MAN1A2: variants seen among roughly 807,000 people sequenced by gnomAD.
The protein encoded by MAN1A2 is mannosyl-oligosaccharide 1,2-alpha-mannosidase IB.
In MAN1A2, 26 loss-of-function variants were observed where a neutral mutation model predicts 75.7. The observed-to-expected ratio is 0.34, with a 90% CI of 0.25 to 0.48. The LOEUF (loss-of-function observed/expected upper bound fraction) is 0.48, where lower values mean the gene tolerates loss of function less well. Among genes scored for constraint, MAN1A2 ranks in the 20% least tolerant of loss-of-function variants. The probability of loss-of-function intolerance (pLI) is 0.99; values close to 1 mark genes in which losing one functional copy is unlikely to be tolerated. For missense variants in MAN1A2, 562 were observed against 775.5 expected, an observed-to-expected ratio of 0.72 and a Z score of 3.27; for synonymous variants, 247 against 264.6, an observed-to-expected ratio of 0.93 and a Z score of 0.65.
intron 1 of MAN1A2, among the ~76,000 whole-genome samples, chr1:117,392,559 C>T (rs921922034): frequency 2.6e-5 from 4 of 152,130 alleles, no homozygotes; most frequent in Non-Finnish European, 5.9e-5. Flanking sequence ...GTGGGCAAAT[C>T]ATGTGCCTTA....
At chr1:117,420,671 A>G (rs773159893) in intron 5 of MAN1A2, 22 bp downstream of exon 5, 4 of 1,554,520 alleles carry the variant, frequency 2.6e-6, no homozygotes, top group East Asian at 2.2e-5. Context: ...CAAGCAATGC[A>G]TTGTTTGTTT....
chr1:117,467,361 A>AT (rs1185710769), intron 8 of MAN1A2, among the ~76,000 whole-genome samples: 4 of 152,156 alleles, frequency 2.6e-5, no homozygotes, highest in Non-Finnish European at 4.4e-5. Flanking sequence ...GCCAGTAAGA[A>AT]AATAAGCTGG....
chr1:117,467,362 A>G (rs1650012911), intron 8 of MAN1A2, among the ~76,000 whole-genome samples: 1 of 152,160 alleles, frequency 6.6e-6, no homozygotes, highest in Non-Finnish European at 1.5e-5. Flanking sequence ...CCAGTAAGAA[A>G]ATAAGCTGGT....
intron 3 of MAN1A2, among the ~76,000 whole-genome samples, chr1:117,412,589 A>G (rs946500423): frequency 2.6e-5 from 4 of 151,650 alleles, no homozygotes; most frequent in African/African-American, 7.3e-5. Flanking sequence ...ACTAGTATAA[A>G]TATTTTAAGT....
intron 8 of MAN1A2, among the ~76,000 whole-genome samples, chr1:117,479,307 T>C (rs1650418734): frequency 6.6e-6 from 1 of 151,996 alleles, no homozygotes; most frequent in Non-Finnish European, 1.5e-5. Context: ...TAGTATTCCA[T>C]GATGTGTATG....
rs563629726 is a variant in MAN1A2, at chr1:117,382,524, C to G, written c.302+14039C>G. Among the ~76,000 whole-genome samples the G allele has an allele frequency of 7.3e-3, 1,116 of 152,242 alleles. 18 individuals are homozygous for G. Among genetic ancestry groups the G allele is most frequent in the African/African-American group, 0.026 (1,068 of 41,536 alleles). Reference sequence around the variant, plus strand: ...CGGCATTATTTCTGAGGGCTCTGTTCTGTTCCATTGATCTATATCTCTGTT... The same window carrying G: ...CGGCATTATTTCTGAGGGCTCTGTTGTGTTCCATTGATCTATATCTCTGTT... On this transcript the variant is annotated intron_variant, in intron 1 of 12. Transcript: ENST00000356554.
At chr1:117,515,792 G>A (rs909931463) in intron 12 of MAN1A2, 2 of 152,238 alleles carry the variant, frequency 1.3e-5, no homozygotes, top group South Asian at 2.1e-4. Context: ...AAACAAAGTA[G>A]AATGTTGGTT....
chr1:117,380,993 C>T (rs1653315952), intron 1 of MAN1A2, among the ~76,000 whole-genome samples: 1 of 152,048 alleles, frequency 6.6e-6, no homozygotes, highest in Admixed American at 6.6e-5. Context: ...CAACCATGAC[C>T]ACAGGATATC....
chr1:117,520,313 C>A (rs1036960029), intron 12 of MAN1A2, among the ~76,000 whole-genome samples: 62 of 151,956 alleles, frequency 4.1e-4, no homozygotes, highest in Non-Finnish European at 1.8e-4. Context: ...CACTGGAAGT[C>A]CTAGCCAGAG....
chr1:117,512,785 G>A (rs903405451), intron 12 of MAN1A2, among the ~76,000 whole-genome samples: 85 of 61,274 alleles, frequency 1.4e-3, no homozygotes, highest in South Asian at 2.7e-3. Context: ...ACACACACAC[G>A]TAGGAACACA....
At chr1:117,429,705 G>A (rs1304650790) in intron 5 of MAN1A2, among the ~76,000 whole-genome samples, 1 of 113,858 alleles carries the variant, frequency 8.8e-6, no homozygotes, top group African/African-American at 3.4e-5. Flanking sequence ...GCCGGGCAGG[G>A]GGGCTGACCC....
At chr1:117,395,292 A>T (rs963697803) in intron 1 of MAN1A2, among the ~76,000 whole-genome samples, 1 of 152,210 alleles carries the variant, frequency 6.6e-6, no homozygotes, top group Non-Finnish European at 1.5e-5. Flanking sequence ...CAGTATTTGC[A>T]TAGTGTTTAA....
At chr1:117,467,180 A>G (rs1451100532) in intron 8 of MAN1A2, among the ~76,000 whole-genome samples, 1 of 152,174 alleles carries the variant, frequency 6.6e-6, no homozygotes, top group Non-Finnish European at 1.5e-5. Context: ...AGGTTTATCA[A>G]TGCTATTCTC....
chr1:117,465,977 T>C (rs1450280316), intron 7 of MAN1A2, among the ~76,000 whole-genome samples: 4 of 152,196 alleles, frequency 2.6e-5, no homozygotes, highest in African/African-American at 9.6e-5. Flanking sequence ...TCTGTTCTTA[T>C]ATTTGAATAT....
chr1:117,497,570 A>C (rs1278879217), intron 10 of MAN1A2, among the ~76,000 whole-genome samples: 1 of 151,914 alleles, frequency 6.6e-6, no homozygotes, highest in South Asian at 2.1e-4. Flanking sequence ...ATGGTGACAA[A>C]AATTGTTTTG....
At chr1:117,372,975 A>G (rs774004930) in intron 1 of MAN1A2, among the ~76,000 whole-genome samples, 3 of 152,222 alleles carry the variant, frequency 2.0e-5, no homozygotes, top group Non-Finnish European at 4.4e-5. Flanking sequence ...ATAAGGCTGC[A>G]TCTTAGTTCT....
At chr1:117,406,414 A>G (rs1384397871) in intron 3 of MAN1A2, among the ~76,000 whole-genome samples, 1 of 152,162 alleles carries the variant, frequency 6.6e-6, no homozygotes, top group Non-Finnish European at 1.5e-5. Context: ...AACTAGTTAT[A>G]TGCAATCTGA....
intron 1 of MAN1A2, among the ~76,000 whole-genome samples, chr1:117,394,986 G>A (rs182565492): frequency 2.0e-5 from 3 of 152,242 alleles, no homozygotes; most frequent in Non-Finnish European, 4.4e-5. Context: ...AAATTCCAGC[G>A]TAATTTTATG....
Position 117,441,198 on chromosome 1 carries a change from C to T in MAN1A2, c.856-1033C>T. On this transcript the variant is annotated intron_variant, in intron 5 of 12. Transcript: ENST00000356554. The stretch of plus-strand genomic sequence containing the variant: ...GGAGAGAGTAATGGGGATGCATTAC[C>T]TCTATGATATTTCCTTATCTACTTG... Among the ~76,000 whole-genome samples the T allele has an allele frequency of 1.3e-5, 2 of 152,130 alleles. 1 individual carries two copies. Among genetic ancestry groups the T allele is most frequent in the South Asian group, 4.2e-4 (2 of 4,796 alleles).
Sources: allele counts gnomAD v4.1 joint callset (sites outside exome capture counted in the v4.1 genomes callset), GRCh38; gene constraint gnomAD v4.1.1; transcripts MANE v1.5; gene names NCBI Gene and HGNC (gene_info 2026-07-23, HGNC 2026-07-21).